The following SAMMSON variants were observed in gnomAD, a reference collection of about 807,000 sequenced individuals.
SAMMSON encodes survival associated mitochondrial melanoma specific oncogenic non-coding RNA.
At chr3:70,427,239 T>C (rs1575647191) in intron 2 of SAMMSON, among the ~76,000 whole-genome samples, 1 of 152,248 alleles carries the variant, frequency 6.6e-6, no homozygotes, top group South Asian at 2.1e-4. Context: ...ACATTCAGAG[T>C]TGATCTTCTA....
chr3:70,405,041 G>C (rs1311610779), intron 2 of SAMMSON, among the ~76,000 whole-genome samples: 1 of 152,180 alleles, frequency 6.6e-6, no homozygotes, highest in Non-Finnish European at 1.5e-5. Flanking sequence ...ATCAGTGAAA[G>C]AAGAACTACC....
At chr3:70,293,187 C>T (rs1195803095) in intron 7 of SAMMSON, among the ~76,000 whole-genome samples, 3 of 151,488 alleles carry the variant, frequency 2.0e-5, no homozygotes, top group Admixed American at 6.6e-5. Flanking sequence ...TTCCTTAATA[C>T]TTTCTGTCAT....
intron 4 of SAMMSON, among the ~76,000 whole-genome samples, chr3:70,226,541 C>A (rs1251025306): frequency 6.6e-6 from 1 of 151,882 alleles, no homozygotes; most frequent in Non-Finnish European, 1.5e-5. Flanking sequence ...AGTTCGAGAC[C>A]AGCCTTGCCA....
chr3:70,126,054 A>G, intron 4 of SAMMSON: 3 of 1,044,384 alleles, frequency 2.9e-6, no homozygotes, highest in Non-Finnish European at 4.3e-6. Flanking sequence ...TATTCATAAG[A>G]TGAAGGACCT....
chr3:70,048,972 G>A (rs1195860712), intron 3 of SAMMSON, among the ~76,000 whole-genome samples: 1 of 152,136 alleles, frequency 6.6e-6, no homozygotes, highest in African/African-American at 2.4e-5. Context: ...ATTGCATGGT[G>A]TAGGATGGTG....
chr3:70,318,801 C>A (rs1227226487), intron 7 of SAMMSON, among the ~76,000 whole-genome samples: 1 of 151,862 alleles, frequency 6.6e-6, no homozygotes, highest in East Asian at 1.9e-4. Flanking sequence ...ACTGGTATAA[C>A]CTTTTGATTC....
intron 3 of SAMMSON, chr3:70,014,364 AGG>A (rs1382405212): frequency 1.3e-5 from 2 of 152,144 alleles, no homozygotes; most frequent in Non-Finnish European, 2.9e-5. Flanking sequence ...AAGGAGGAAG[AGG>A]GGATTTCAGG....
chr3:70,311,706 AG>A (rs1702454536), intron 7 of SAMMSON, among the ~76,000 whole-genome samples: 1 of 152,144 alleles, frequency 6.6e-6, no homozygotes, highest in South Asian at 2.1e-4. Context: ...TTAATAATAA[AG>A]ATCCTCAAAC....
chr3:70,137,039 T>C (rs567603044), intron 4 of SAMMSON, among the ~76,000 whole-genome samples: 24 of 152,300 alleles, frequency 1.6e-4, no homozygotes, highest in African/African-American at 5.5e-4. Context: ...AGGAAACCCA[T>C]AGACACAAAA....
intron 7 of SAMMSON, chr3:70,312,511 G>C (rs904421361): frequency 6.6e-6 from 1 of 152,162 alleles, no homozygotes; most frequent in Non-Finnish European, 1.5e-5. Flanking sequence ...TGGCTTGCTC[G>C]CAATGAGCTC....
chr3:70,004,472 G>GTA (rs1171262708), intron 1 of SAMMSON, among the ~76,000 whole-genome samples: 1 of 152,058 alleles, frequency 6.6e-6, no homozygotes, highest in Admixed American at 6.6e-5. Flanking sequence ...AAGAAAACCT[G>GTA]GGTGACAGTC....
chr3:70,126,495 C>A (rs933216464), intron 4 of SAMMSON: 1 of 632,176 alleles, frequency 1.6e-6, no homozygotes, highest in South Asian at 1.7e-5. Flanking sequence ...TTCTCCTCAG[C>A]GGTCAGCTCA....
intron 4 of SAMMSON, among the ~76,000 whole-genome samples, chr3:70,078,880 T>A (rs2067258268): frequency 6.6e-6 from 1 of 152,218 alleles, no homozygotes; most frequent in Non-Finnish European, 1.5e-5. Context: ...ATAGCAGATG[T>A]TATTTATTTA....
chr3:70,181,741 T>G (rs906013825), intron 4 of SAMMSON, among the ~76,000 whole-genome samples: 1 of 152,248 alleles, frequency 6.6e-6, no homozygotes, highest in Non-Finnish European at 1.5e-5. Flanking sequence ...TCTCATGATC[T>G]GTATCACATC....
intron 4 of SAMMSON, among the ~76,000 whole-genome samples, chr3:70,164,432 T>C (rs995492510): frequency 3.9e-5 from 6 of 152,084 alleles, no homozygotes; most frequent in Admixed American, 6.6e-5. Flanking sequence ...CTGTTTTCTC[T>C]CTTTCTGTAA....
At chr3:70,060,086 A>G (rs2067182112) in intron 3 of SAMMSON, among the ~76,000 whole-genome samples, 1 of 151,138 alleles carries the variant, frequency 6.6e-6, no homozygotes, top group Non-Finnish European at 1.5e-5. Flanking sequence ...ATCTTGAGCT[A>G]TGTCTTAAAG....
chr3:70,291,054 A>C (rs6779542), intron 6 of SAMMSON: 31,798 of 152,548 alleles, frequency 0.21, 3,524 homozygotes, highest in South Asian at 0.28. Flanking sequence ...TAGACCAGAG[A>C]TGTTCCTATT....
chr3:70,033,401 G>T (rs2067072582), intron 3 of SAMMSON, among the ~76,000 whole-genome samples: 1 of 151,940 alleles, frequency 6.6e-6, no homozygotes, highest in African/African-American at 2.4e-5. Flanking sequence ...GGTGTATGTG[G>T]GCAGAAGGGC....
Position 70,065,126 on chromosome 3 carries a change from A to AT in SAMMSON, n.418-6343dup, listed in dbSNP as rs533796096. The AT allele has an allele frequency of 1.3e-4, 19 of 151,828 alleles. 1 individual carries two copies. In the South Asian group the frequency reaches 2.7e-3, roughly 22 times the overall value. The allele number at this position is 151,828 out of a possible 1,614,324, so 9.4% of individuals were successfully genotyped here. A position where few individuals can be genotyped will look rare whatever the true frequency, so the allele number is the denominator to read the frequency against. ...AGTTTGTGTATCATACACTTGTTCC[A>AT]TTTTTTTATTTTTTTTGCTATGTAA... On this transcript the variant is annotated intron_variant and non_coding_transcript_variant, in intron 3 of 9. Coordinates refer to ENST00000642114, the Ensembl canonical transcript of SAMMSON.
Sources: allele counts gnomAD v4.1 joint callset (sites outside exome capture counted in the v4.1 genomes callset), GRCh38; gene constraint gnomAD v4.1.1; transcripts MANE v1.5; gene names NCBI Gene and HGNC (gene_info 2026-07-23, HGNC 2026-07-21).